NPSR1: variants seen among roughly 807,000 people sequenced by gnomAD.
NPSR1 encodes the protein neuropeptide S receptor 1, also known as neuropeptide S receptor.
NPSR1 carries 48 observed loss-of-function variants against 46.9 expected under a neutral mutation model. That is an observed-to-expected ratio of 1.02 (90% CI 0.81 to 1.30). The LOEUF is 1.30. Ranked by LOEUF, NPSR1 falls within the 50% of genes most tolerant of loss-of-function variation. The pLI is 0.00. For missense variants in NPSR1, 450 were observed against 449.5 expected (o/e 1.00, Z -0.01); for synonymous variants, 176 against 168.1 (o/e 1.05, Z -0.36).
Position 34,834,525 on chromosome 7 carries a change from C to T in NPSR1, c.757+65C>T, listed in dbSNP as rs577428844. ...TGCTTCTCCAGAGGTTTTCTTCTAG[C>T]AAATGTGAGCTAGGGACTCCTTGAT... is the stretch of plus-strand genomic sequence containing the variant. On this transcript the variant is annotated intron_variant, in intron 6 of 8. Transcript: ENST00000360581. The T allele has an allele frequency of 6.5e-5, 73 of 1,115,394 alleles. No individual in the cohort carries two copies. The South Asian group carries it at 9.0e-4, about 14-fold the overall frequency. The allele number at this position is 1,115,394 out of a possible 1,614,324, so 69.1% of individuals were successfully genotyped here. A position where few individuals can be genotyped will look rare whatever the true frequency, so the allele number is the denominator to read the frequency against.
intron 8 of NPSR1, among the ~76,000 whole-genome samples, chr7:34,876,536 C>A (rs1353610360): frequency 6.6e-6 from 1 of 152,122 alleles, no homozygotes; most frequent in Admixed American, 6.6e-5. Context: ...CATGTCACCC[C>A]CTGAGAAAGG....
At chr7:34,664,675 T>G (rs1280866586) in intron 1 of NPSR1, among the ~76,000 whole-genome samples, 1 of 152,084 alleles carries the variant, frequency 6.6e-6, no homozygotes, top group Non-Finnish European at 1.5e-5. Context: ...GAGGGAAAAT[T>G]TCCATTTCTT....
In NPSR1 at chr7:34,676,340, C is replaced by T. The variant is rs142796378; in HGVS notation, c.148-8212C>T. 4.2e-3 allele frequency among the ~76,000 whole-genome samples: 640 copies of T among 152,314 alleles called. 4 individuals carry two copies. Among genetic ancestry groups the T allele is most frequent in the Non-Finnish European group, 4.6e-3 (315 of 68,026 alleles). ...AAGAGGTCAGAGAGGTTATCACTTA[C>T]AACCTATCACACATCCAGCAAGTAG... On this transcript the variant is annotated intron_variant, in intron 1 of 8. Coordinates refer to ENST00000360581, the MANE Select transcript of NPSR1 (RefSeq NM_207172.2).
chr7:34,704,705 A>T (rs11771396), intron 2 of NPSR1, among the ~76,000 whole-genome samples: 30,376 of 151,978 alleles, frequency 0.2, 3,545 homozygotes, highest in African/African-American at 0.33. Flanking sequence ...TGCAAGGGGG[A>T]AAAAAAGGCA....
chr7:34,728,075 GTT>G (rs934954426), intron 2 of NPSR1, among the ~76,000 whole-genome samples: 1 of 150,894 alleles, frequency 6.6e-6, no homozygotes, highest in East Asian at 1.9e-4. Context: ...TGAGGTGTAA[GTT>G]TTTTTTATTA....
intron 2 of NPSR1, among the ~76,000 whole-genome samples, chr7:34,725,677 T>C (rs1196466372): frequency 6.6e-6 from 1 of 152,066 alleles, no homozygotes; most frequent in Non-Finnish European, 1.5e-5. Context: ...AGATTGTTAG[T>C]AAAAAGAAAG....
At chr7:34,782,642 T>C (rs1787279673) in intron 3 of NPSR1, among the ~76,000 whole-genome samples, 1 of 152,184 alleles carries the variant, frequency 6.6e-6, no homozygotes, top group African/African-American at 2.4e-5. Flanking sequence ...TTTGGTTTTG[T>C]TGATGTTTAT....
At chr7:34,867,904 C>T (rs189516440) in intron 8 of NPSR1, among the ~76,000 whole-genome samples, 1 of 151,770 alleles carries the variant, frequency 6.6e-6, no homozygotes, top group African/African-American at 2.4e-5. Flanking sequence ...TATGCCTGCC[C>T]TAAATGGAGA....
At chr7:34,738,482 A>G (rs1784786424) in intron 2 of NPSR1, among the ~76,000 whole-genome samples, 2 of 152,344 alleles carry the variant, frequency 1.3e-5, no homozygotes, top group South Asian at 2.1e-4. Flanking sequence ...TAAATGTGTC[A>G]ATAGTGTTAT....
At chr7:34,819,369 C>T (rs1346698259) in intron 4 of NPSR1, among the ~76,000 whole-genome samples, 1 of 152,178 alleles carries the variant, frequency 6.6e-6, no homozygotes, top group African/African-American at 2.4e-5. Flanking sequence ...CAATGAAAAA[C>T]CATCTCATGC....
intron 4 of NPSR1, among the ~76,000 whole-genome samples, chr7:34,821,354 T>C (rs1789553969): frequency 6.6e-6 from 1 of 151,998 alleles, no homozygotes; most frequent in Non-Finnish European, 1.5e-5. Flanking sequence ...GGTCTCAAAC[T>C]CCTGGGCTCA....
intron 4 of NPSR1, among the ~76,000 whole-genome samples, chr7:34,822,338 T>C (rs983909992): frequency 9.9e-5 from 15 of 151,836 alleles, no homozygotes; most frequent in African/African-American, 3.1e-4. Context: ...GGGAGAGTCA[T>C]GGAGCAGGGA....
chr7:34,821,823 AAG>A (rs1789573693), intron 4 of NPSR1, among the ~76,000 whole-genome samples: 1 of 152,228 alleles, frequency 6.6e-6, no homozygotes, highest in African/African-American at 2.4e-5. Context: ...CTACAAAATT[AAG>A]AGAGGCTCAA....
At chr7:34,773,377 T>C (rs1350122558) in intron 2 of NPSR1, among the ~76,000 whole-genome samples, 1 of 152,160 alleles carries the variant, frequency 6.6e-6, no homozygotes, top group Non-Finnish European at 1.5e-5. Flanking sequence ...CTACACCCCC[T>C]TCACAATTAA....
intron 2 of NPSR1, among the ~76,000 whole-genome samples, chr7:34,703,288 G>A (rs1000693968): frequency 3.3e-5 from 5 of 152,168 alleles, no homozygotes; most frequent in African/African-American, 1.2e-4. Flanking sequence ...GGAGAATGGC[G>A]TGAACCCGGG....
chr7:34,743,456 T>G (rs80119143), intron 2 of NPSR1, among the ~76,000 whole-genome samples: 1 of 151,964 alleles, frequency 6.6e-6, no homozygotes, highest in African/African-American at 2.4e-5. Flanking sequence ...TTTTTTTTTT[T>G]TGTAGATGGA....
At chr7:34,666,940 C>T (rs747744155) in intron 1 of NPSR1, among the ~76,000 whole-genome samples, 2 of 152,172 alleles carry the variant, frequency 1.3e-5, no homozygotes, top group East Asian at 3.9e-4. Flanking sequence ...AAGGGCCTTA[C>T]ATTTTTCAAA....
At chr7:34,796,094 G>GA (rs1170678456) in intron 3 of NPSR1, among the ~76,000 whole-genome samples, 3 of 152,036 alleles carry the variant, frequency 2.0e-5, no homozygotes, top group Non-Finnish European at 2.9e-5. Flanking sequence ...AAATAGTCTG[G>GA]CAAAAATATA....
At chr7:34,747,679 A>C (rs1468358056) in intron 2 of NPSR1, among the ~76,000 whole-genome samples, 1 of 152,174 alleles carries the variant, frequency 6.6e-6, no homozygotes, top group Non-Finnish European at 1.5e-5. Flanking sequence ...TGGATACCGC[A>C]TGAGTTTTCT....
Sources: gnomAD v4.1 joint callset for allele counts (sites outside exome capture counted in the v4.1 genomes callset) on GRCh38, gnomAD v4.1.1 for gene constraint, MANE v1.5 for transcripts, NCBI Gene and HGNC (gene_info 2026-07-23, HGNC 2026-07-21) for gene names.